BICC1: variants seen among roughly 807,000 people sequenced by gnomAD.
BICC1 encodes the protein protein bicaudal C homolog 1.
BICC1 carries 43 observed loss-of-function variants against 111.0 expected under a neutral mutation model. The ratio of observed to expected loss-of-function variants is 0.39; its 90% CI spans 0.30 to 0.50. The LOEUF (loss-of-function observed/expected upper bound fraction) is 0.50, where lower values mean the gene tolerates loss of function less well. Ranked by LOEUF, BICC1 falls within the 20% of genes least tolerant of loss-of-function variation. The pLI, the probability that BICC1 is intolerant of heterozygous loss-of-function variation, is 0.88. For synonymous variants in BICC1, 467 were observed against 434.4 expected, an observed-to-expected ratio of 1.07 and a Z score of -0.93; for missense variants, 1,091 against 1,203.2, an observed-to-expected ratio of 0.91 and a Z score of 1.38.
chr10:58,731,861 C>T (rs946304216), intron 3 of BICC1, among the ~76,000 whole-genome samples: 1 of 152,202 alleles, frequency 6.6e-6, no homozygotes, highest in Admixed American at 6.5e-5. Context: ...CCTGAATGAT[C>T]CAATCACCTC....
chr10:58,693,713 T>A (rs965798314), intron 2 of BICC1, among the ~76,000 whole-genome samples: 4 of 152,090 alleles, frequency 2.6e-5, no homozygotes, highest in African/African-American at 9.7e-5. Flanking sequence ...GGGTTGTTTG[T>A]TTTTTTCTTG....
At chr10:58,638,995 A>G (rs978744121) in intron 2 of BICC1, among the ~76,000 whole-genome samples, 4 of 148,724 alleles carry the variant, frequency 2.7e-5, no homozygotes, top group Admixed American at 1.4e-4. Context: ...TATGGTGTAC[A>G]TATTTCATTG....
chr10:58,673,481 G>A (rs1293275825), intron 2 of BICC1, among the ~76,000 whole-genome samples: 1 of 152,172 alleles, frequency 6.6e-6, no homozygotes, highest in Admixed American at 6.5e-5. Flanking sequence ...TGTAAGACAG[G>A]TGCTGGACTA....
At chr10:58,520,686 G>T (rs745805284) in intron 1 of BICC1, among the ~76,000 whole-genome samples, 1 of 152,024 alleles carries the variant, frequency 6.6e-6, no homozygotes, top group Non-Finnish European at 1.5e-5. Flanking sequence ...TTAAACATAG[G>T]ATTTGAAAAT....
chr10:58,513,109 G>GGCGGCAGCGGGA lies in BICC1; in HGVS notation c.-32_-21dup. ...GAGGCGGCAGCGCAGGCAGAGCGGC[G>GGCGGCAGCGGGA]GCGGCAGCGGGAGCCCGAGCGCTGC... On this transcript the variant is annotated 5_prime_UTR_variant, in exon 1 of 21. Transcript: ENST00000373886. The GGCGGCAGCGGGA allele has an allele frequency of 7.4e-7, 1 of 1,356,072 alleles. No individual in the cohort carries two copies. The highest frequency in any genetic ancestry group is 9.5e-7 in the Non-Finnish European group (1 of 1,057,228). 84.0% of individuals were successfully genotyped at this position (1,356,072 alleles called of 1,614,324 possible).
chr10:58,512,986 C>T lies in BICC1; in HGVS notation c.-158C>T, dbSNP rs1361376686. Among the ~76,000 whole-genome samples the T allele has an allele frequency of 6.8e-6, 1 of 148,086 alleles. No homozygotes were observed. Among genetic ancestry groups the T allele is most frequent in the Non-Finnish European group, 1.5e-5 (1 of 66,466 alleles). On this transcript the variant is annotated 5_prime_UTR_variant, in exon 1 of 21. Transcript: ENST00000373886. ...GCCCGGGGCTGGGATGCGCCGGGGG[C>T]TCAGTGGCGGCGGCGGCGTTGGCGG...
chr10:58,784,869 A>G (rs1842967528), intron 3 of BICC1, 132 bp from the exon 4 acceptor site: 3 of 383,132 alleles, frequency 7.8e-6, no homozygotes, highest in East Asian at 7.9e-5. Context: ...TTTTATTATA[A>G]TAATAATCTC....
intron 3 of BICC1, among the ~76,000 whole-genome samples, chr10:58,751,852 A>G (rs1269482892): frequency 6.6e-6 from 1 of 152,180 alleles, no homozygotes; most frequent in Non-Finnish European, 1.5e-5. Flanking sequence ...CACAGGCTCA[A>G]TATTTTTAGG....
chr10:58,606,827 A>G (rs1845230519), intron 1 of BICC1, among the ~76,000 whole-genome samples: 1 of 152,172 alleles, frequency 6.6e-6, no homozygotes, highest in Non-Finnish European at 1.5e-5. Flanking sequence ...GACATTTTCT[A>G]GTATATTTCT....
intron 18 of BICC1, among the ~76,000 whole-genome samples, chr10:58,815,167 T>C (rs553532265): frequency 6.6e-6 from 1 of 152,276 alleles, no homozygotes; most frequent in East Asian, 1.9e-4. Flanking sequence ...TCCTTGAAGC[T>C]AGGCAATCTA....
chr10:58,601,493 G>C (rs1845039361), intron 1 of BICC1, among the ~76,000 whole-genome samples: 1 of 151,490 alleles, frequency 6.6e-6, no homozygotes, highest in African/African-American at 2.4e-5. Flanking sequence ...GTTTTTCCTT[G>C]TTTTTGCTTA....
At chr10:58,784,818 T>G (rs537921755) in intron 3 of BICC1, among the ~76,000 whole-genome samples, 183 bp from the exon 4 acceptor site, 79 of 152,304 alleles carry the variant, frequency 5.2e-4, no homozygotes, top group African/African-American at 1.8e-3. Context: ...AACGTGGGCA[T>G]TTTCCATATT....
chr10:58,773,660 G>A (rs1295079503), intron 3 of BICC1, among the ~76,000 whole-genome samples: 1 of 152,340 alleles, frequency 6.6e-6, no homozygotes, highest in East Asian at 1.9e-4. Context: ...TGCTGGGCAC[G>A]AAGCAGGGCA....
intron 2 of BICC1, chr10:58,648,794 G>GCTTTTTCATTTTCTCTTGATAGTTT (rs1838351419): frequency 7.2e-6 from 3 of 415,550 alleles, no homozygotes; most frequent in African/African-American, 4.3e-5. Context: ...TTTCCTTTCT[G>GCTTTTTCATTTTCTCTTGATAGTTT]CTTTTTCATT....
At chr10:58,636,109 T>A (rs1837945739) in intron 2 of BICC1, among the ~76,000 whole-genome samples, 1 of 152,214 alleles carries the variant, frequency 6.6e-6, no homozygotes, top group African/African-American at 2.4e-5. Context: ...TCTGTGTATT[T>A]GGTGGGGTGA....
chr10:58,661,750 G>A (rs1474726224), intron 2 of BICC1, among the ~76,000 whole-genome samples: 1 of 152,092 alleles, frequency 6.6e-6, no homozygotes, highest in Non-Finnish European at 1.5e-5. Context: ...GAGGATAACA[G>A]TGCTTTAAGT....
At chr10:58,556,973 A>G (rs765319397) in intron 1 of BICC1, among the ~76,000 whole-genome samples, 2 of 152,086 alleles carry the variant, frequency 1.3e-5, no homozygotes, top group African/African-American at 2.4e-5. Flanking sequence ...CCAGGAATTC[A>G]TGAATGTTAC....
intron 2 of BICC1, among the ~76,000 whole-genome samples, chr10:58,693,929 C>A (rs140172848): frequency 0.023 from 3,435 of 152,232 alleles, 59 homozygotes; most frequent in Non-Finnish European, 0.033. Context: ...GACATGAAGT[C>A]CTTGACCATG....
chr10:58,704,340 G>C (rs1426383938), intron 3 of BICC1, among the ~76,000 whole-genome samples: 1 of 152,162 alleles, frequency 6.6e-6, no homozygotes, highest in Admixed American at 6.5e-5. Context: ...GGAAGGGAGA[G>C]AATCAGAAGT....
Sources: allele counts gnomAD v4.1 joint callset (sites outside exome capture counted in the v4.1 genomes callset), GRCh38; gene constraint gnomAD v4.1.1; transcripts MANE v1.5; gene names NCBI Gene and HGNC (gene_info 2026-07-23, HGNC 2026-07-21).